MAGI2: variants seen among roughly 807,000 people sequenced by gnomAD.
MAGI2 encodes the protein membrane-associated guanylate kinase, WW and PDZ domain-containing protein 2.
In MAGI2, 35 loss-of-function variants were observed where a neutral mutation model predicts 133.3. The ratio of observed to expected loss-of-function variants is 0.26; its 90% confidence interval spans 0.20 to 0.35. MAGI2 has a LOEUF of 0.35. MAGI2 is among the 10% of genes least tolerant of loss of function. MAGI2 has a pLI of 1.00. For missense variants in MAGI2, 1,636 were observed against 1,863.4 expected (o/e 0.88, Z 2.25); for synonymous variants, 729 against 710.6 (o/e 1.03, Z -0.41).
chr7:78,405,048 G>A (rs748968583), intron 6 of MAGI2, among the ~76,000 whole-genome samples: 35 of 152,190 alleles, frequency 2.3e-4, no homozygotes, highest in Non-Finnish European at 4.3e-4. Flanking sequence ...AACAACTGGG[G>A]TTCTTTGACT....
intron 3 of MAGI2, among the ~76,000 whole-genome samples, chr7:78,536,524 A>G (rs1315469490): frequency 1.3e-5 from 2 of 152,130 alleles, no homozygotes; most frequent in Non-Finnish European, 2.9e-5. Context: ...AGGTGATGGA[A>G]TGGAGACAAC....
chr7:78,986,064 C>T (rs964086798), intron 2 of MAGI2, among the ~76,000 whole-genome samples: 1 of 152,032 alleles, frequency 6.6e-6, no homozygotes, highest in African/African-American at 2.4e-5. Context: ...CTGTGATGCA[C>T]ATCAGAGGGC....
intron 4 of MAGI2, among the ~76,000 whole-genome samples, chr7:78,515,142 G>A (rs1275032813): frequency 6.6e-6 from 1 of 152,168 alleles, no homozygotes; most frequent in Non-Finnish European, 1.5e-5. Flanking sequence ...GAAAAGTTTA[G>A]CAGGTAACTC....
At chr7:78,124,851 T>C (rs1034113577) in intron 20 of MAGI2, among the ~76,000 whole-genome samples, 2 of 142,716 alleles carry the variant, frequency 1.4e-5, no homozygotes, top group Non-Finnish European at 1.5e-5. Flanking sequence ...GGAAAATTTC[T>C]AGCTGCTGTC....
At chr7:78,172,138 A>C (rs559116112) in intron 14 of MAGI2, among the ~76,000 whole-genome samples, 1 of 152,352 alleles carries the variant, frequency 6.6e-6, no homozygotes, top group African/African-American at 2.4e-5. Context: ...CTGCGGTGCC[A>C]GTAAGTCAGG....
chr7:78,597,374 TGGG>T (rs60023774), intron 3 of MAGI2, among the ~76,000 whole-genome samples: 23 of 142,488 alleles, frequency 1.6e-4, no homozygotes, highest in African/African-American at 4.1e-4. Context: ...ATGAATTCCT[TGGG>T]GGGGGGGGTC....
intron 9 of MAGI2, among the ~76,000 whole-genome samples, chr7:78,320,061 C>T (rs1201163880): frequency 6.6e-6 from 1 of 152,122 alleles, no homozygotes; most frequent in African/African-American, 2.4e-5. Context: ...TGCACTCTCC[C>T]GAGTCTAAAC....
At chr7:79,014,534 T>C (rs903171537) in intron 1 of MAGI2, among the ~76,000 whole-genome samples, 20 of 152,082 alleles carry the variant, frequency 1.3e-4, no homozygotes, top group African/African-American at 4.3e-4. Context: ...TAGATGTTCT[T>C]CATACAAAGC....
At chr7:78,955,766 TTTC>T (rs369715882) in intron 2 of MAGI2, among the ~76,000 whole-genome samples, 5,897 of 88,416 alleles carry the variant, frequency 0.067, 252 homozygotes, top group Middle Eastern at 0.086. Flanking sequence ...TCTTTCTTTC[TTTC>T]TTTCTTTCTT....
At chr7:78,255,762 C>T in intron 10 of MAGI2, 181 bp downstream of exon 10, 2 of 670,256 alleles carry the variant, frequency 3.0e-6, no homozygotes, top group Non-Finnish European at 5.1e-6. Flanking sequence ...TAGAAAAAGA[C>T]ATATTCTGAA....
intron 1 of MAGI2, among the ~76,000 whole-genome samples, chr7:79,435,407 G>T (rs1219058437): frequency 6.6e-6 from 1 of 152,124 alleles, no homozygotes; most frequent in East Asian, 1.9e-4. Flanking sequence ...GCAAATCATT[G>T]TTATATACAA....
At chr7:78,663,500 C>A (rs929731671) in intron 2 of MAGI2, among the ~76,000 whole-genome samples, 1 of 152,084 alleles carries the variant, frequency 6.6e-6, no homozygotes, top group African/African-American at 2.4e-5. Context: ...CCACTGTGCC[C>A]CGCCATTTGT....
chr7:78,893,559 G>A (rs1261664683), intron 2 of MAGI2, among the ~76,000 whole-genome samples: 3 of 152,104 alleles, frequency 2.0e-5, no homozygotes, highest in East Asian at 3.9e-4. Flanking sequence ...CATAAAAAAT[G>A]ATGAGTTCAT....
intron 1 of MAGI2, among the ~76,000 whole-genome samples, chr7:79,109,788 C>G (rs185904532): frequency 6.6e-6 from 1 of 152,234 alleles, no homozygotes; most frequent in African/African-American, 2.4e-5. Flanking sequence ...ATCTTCTAGG[C>G]AGGCTTCTGC....
At chr7:78,127,724 G>A (rs6945152) in intron 18 of MAGI2, among the ~76,000 whole-genome samples, 109 of 152,198 alleles carry the variant, frequency 7.2e-4, no homozygotes, top group African/African-American at 2.5e-3. Context: ...AAACTGTACA[G>A]CCACAGCAAA....
intron 1 of MAGI2, among the ~76,000 whole-genome samples, chr7:79,245,362 G>A (rs1396121207): frequency 6.6e-6 from 1 of 152,194 alleles, no homozygotes; most frequent in Non-Finnish European, 1.5e-5. Context: ...CTCTTAGATG[G>A]CATTTCTGAA....
chr7:78,857,569 A>C (rs1793766233), intron 2 of MAGI2, among the ~76,000 whole-genome samples: 1 of 152,310 alleles, frequency 6.6e-6, no homozygotes, highest in Admixed American at 6.5e-5. Flanking sequence ...TGATTTGCAT[A>C]TGTTGAACCA....
chr7:78,155,441 T>G (rs1456236685), intron 16 of MAGI2, among the ~76,000 whole-genome samples: 1 of 151,994 alleles, frequency 6.6e-6, no homozygotes, highest in African/African-American at 2.4e-5. Flanking sequence ...TGGCAAAACC[T>G]CGTCTCTACT....
chr7:78,997,048 C>T (rs902223917), intron 2 of MAGI2, among the ~76,000 whole-genome samples: 9 of 152,054 alleles, frequency 5.9e-5, no homozygotes, highest in African/African-American at 2.2e-4. Flanking sequence ...GACAAATATA[C>T]ATAGGTTGAC....
Sources: allele counts gnomAD v4.1 joint callset (sites outside exome capture counted in the v4.1 genomes callset), GRCh38; gene constraint gnomAD v4.1.1; transcripts MANE v1.5; gene names NCBI Gene and HGNC (gene_info 2026-07-23, HGNC 2026-07-21).